Variants in SLC25A21 observed in about 807,000 individuals in gnomAD.
SLC25A21 encodes the protein mitochondrial 2-oxodicarboxylate carrier.
SLC25A21 carries 47 observed loss-of-function variants against 43.8 expected under a neutral mutation model. That is an observed-to-expected ratio of 1.07 (90% CI 0.85 to 1.37). SLC25A21 has a LOEUF of 1.37. Ranked by LOEUF, SLC25A21 falls within the 40% of genes most tolerant of loss-of-function variation. The pLI is 0.00. For missense variants in SLC25A21, 352 were observed against 350.2 expected, an observed-to-expected ratio of 1.00 and a Z score of -0.04; for synonymous variants, 131 against 121.3, an observed-to-expected ratio of 1.08 and a Z score of -0.52.
At chr14:36,931,616 G>A (rs1033451254) in intron 1 of SLC25A21, among the ~76,000 whole-genome samples, 4 of 152,120 alleles carry the variant, frequency 2.6e-5, no homozygotes, top group African/African-American at 9.7e-5. Context: ...TTAAATGGAA[G>A]GGGAACATTA....
chr14:36,851,864 G>A (rs949311788), intron 2 of SLC25A21, among the ~76,000 whole-genome samples: 1 of 152,094 alleles, frequency 6.6e-6, no homozygotes, highest in Admixed American at 6.6e-5. Flanking sequence ...TTGCTTGACA[G>A]TATATGAACA....
intron 1 of SLC25A21, among the ~76,000 whole-genome samples, chr14:36,907,036 A>C (rs1891554210): frequency 6.6e-6 from 1 of 152,168 alleles, no homozygotes; most frequent in Non-Finnish European, 1.5e-5. Flanking sequence ...CCAGCTTCAT[A>C]GCATTGTGTA....
chr14:36,981,879 T>A (rs1341219361), intron 1 of SLC25A21, among the ~76,000 whole-genome samples: 1 of 152,036 alleles, frequency 6.6e-6, no homozygotes, highest in Non-Finnish European at 1.5e-5. Context: ...TAAAAAACTG[T>A]TGAATTATTT....
At chr14:36,961,367 G>A (rs1284793591) in intron 1 of SLC25A21, among the ~76,000 whole-genome samples, 1 of 151,862 alleles carries the variant, frequency 6.6e-6, no homozygotes, top group Non-Finnish European at 1.5e-5. Flanking sequence ...GCCTGCCACC[G>A]CGCCCAGCTA....
intron 1 of SLC25A21, among the ~76,000 whole-genome samples, chr14:36,971,393 T>C (rs914025921): frequency 5.3e-5 from 8 of 152,262 alleles, no homozygotes; most frequent in Non-Finnish European, 8.8e-5. Context: ...TCTCTTTTCT[T>C]TGCCAGCCAT....
intron 1 of SLC25A21, among the ~76,000 whole-genome samples, chr14:36,893,029 C>T (rs1420123110): frequency 3.9e-5 from 6 of 152,000 alleles, no homozygotes; most frequent in Admixed American, 1.3e-4. Flanking sequence ...GTGTCTTTAG[C>T]GCAGCATGAT....
chr14:37,035,935 T>C (rs1340724108), intron 1 of SLC25A21, among the ~76,000 whole-genome samples: 1 of 152,236 alleles, frequency 6.6e-6, no homozygotes, highest in African/African-American at 2.4e-5. Context: ...GGTTGTTTTA[T>C]TGTGCTTGGA....
intron 1 of SLC25A21, among the ~76,000 whole-genome samples, chr14:37,131,368 C>T (rs1963389092): frequency 1.3e-5 from 2 of 152,112 alleles, no homozygotes; most frequent in Non-Finnish European, 2.9e-5. Flanking sequence ...TCTGGTGTGG[C>T]ATTAGTCCAA....
intron 2 of SLC25A21, among the ~76,000 whole-genome samples, chr14:36,868,748 C>A (rs1890284162): frequency 6.6e-6 from 1 of 152,210 alleles, no homozygotes; most frequent in South Asian, 2.1e-4. Context: ...CTTACTCCTG[C>A]CTTGTCCTAC....
intron 1 of SLC25A21, among the ~76,000 whole-genome samples, chr14:36,936,763 G>T (rs1018063515): frequency 6.6e-6 from 1 of 152,070 alleles, no homozygotes; most frequent in East Asian, 1.9e-4. Flanking sequence ...TTTCCACTTT[G>T]TCCTTGTAGA....
intron 1 of SLC25A21, among the ~76,000 whole-genome samples, chr14:36,985,267 G>A (rs1221475245): frequency 6.7e-6 from 1 of 148,796 alleles, no homozygotes; most frequent in Non-Finnish European, 1.5e-5. Flanking sequence ...CATGGCACAT[G>A]TATATATATG....
chr14:36,769,035 G>T (rs1886521299), intron 3 of SLC25A21, among the ~76,000 whole-genome samples: 1 of 151,732 alleles, frequency 6.6e-6, no homozygotes, highest in Non-Finnish European at 1.5e-5. Flanking sequence ...AAACTCATGT[G>T]CTAGACTGTC....
intron 1 of SLC25A21, among the ~76,000 whole-genome samples, chr14:36,967,492 TTG>T (rs1959643602): frequency 6.6e-6 from 1 of 152,186 alleles, no homozygotes; most frequent in African/African-American, 2.4e-5. Flanking sequence ...TGCTGAGTTT[TTG>T]TGCACCTGTT....
chr14:37,022,083 G>A (rs1960999562), intron 1 of SLC25A21, among the ~76,000 whole-genome samples: 1 of 151,374 alleles, frequency 6.6e-6, no homozygotes, highest in Non-Finnish European at 1.5e-5. Context: ...GGATTCATAT[G>A]CCTTTATTAC....
intron 1 of SLC25A21, among the ~76,000 whole-genome samples, chr14:36,967,218 G>T (rs1246085388): frequency 1.3e-5 from 2 of 152,180 alleles, no homozygotes; most frequent in Non-Finnish European, 2.9e-5. Flanking sequence ...TCCTCTAGAA[G>T]TGGGGAGAAA....
chr14:36,760,479 C>G (rs2139277241), intron 3 of SLC25A21, among the ~76,000 whole-genome samples: 1 of 152,138 alleles, frequency 6.6e-6, no homozygotes, highest in Non-Finnish European at 1.5e-5. Context: ...AGCTTGGTCC[C>G]TACTGACCAA....
intron 3 of SLC25A21, among the ~76,000 whole-genome samples, chr14:36,792,498 T>C (rs1887523485): frequency 6.6e-6 from 1 of 152,098 alleles, no homozygotes; most frequent in South Asian, 2.1e-4. Flanking sequence ...CATGAAAATG[T>C]TGGACCAAGT....
intron 2 of SLC25A21, among the ~76,000 whole-genome samples, chr14:36,843,297 C>A (rs554984176): frequency 6.6e-6 from 1 of 152,214 alleles, no homozygotes; most frequent in South Asian, 2.1e-4. Flanking sequence ...TGGGTTGGAG[C>A]CTGGCTAATA....
chr14:36,711,209 A>G (rs1883844289), intron 7 of SLC25A21, 109 bp downstream of exon 7: 2 of 928,048 alleles, frequency 2.2e-6, no homozygotes. Flanking sequence ...ATTAGATAAT[A>G]GATGTAGGTG....
Sources: gnomAD v4.1 joint callset for allele counts (sites outside exome capture counted in the v4.1 genomes callset) on GRCh38, gnomAD v4.1.1 for gene constraint, MANE v1.5 for transcripts, NCBI Gene and HGNC (gene_info 2026-07-23, HGNC 2026-07-21) for gene names.